SPRED2: variants seen among roughly 807,000 people sequenced by gnomAD.
SPRED2 encodes the protein sprouty related EVH1 domain containing 2, also known as sprouty-related, EVH1 domain-containing protein 2.
SPRED2 carries 47 observed loss-of-function variants against 43.0 expected under a neutral mutation model. The ratio of observed to expected loss-of-function variants is 1.09; its 90% confidence interval spans 0.87 to 1.40. The LOEUF (loss-of-function observed/expected upper bound fraction) is 1.40. Among genes scored for constraint, SPRED2 ranks in the 40% most tolerant of loss-of-function variants. SPRED2 has a pLI of 0.00. For missense variants in SPRED2, 561 were observed against 586.4 expected (o/e 0.96, Z 0.45); for synonymous variants, 225 against 225.7 (o/e 1.00, Z 0.03).
chr2:65,418,127 G>A (rs1177179816), intron 1 of SPRED2, among the ~76,000 whole-genome samples: 2 of 152,158 alleles, frequency 1.3e-5, no homozygotes, highest in Non-Finnish European at 2.9e-5. Flanking sequence ...ATTATTAGTG[G>A]TCTCCCTGAC....
chr2:65,340,761 T>C (rs1371545725), intron 2 of SPRED2, among the ~76,000 whole-genome samples: 1 of 152,232 alleles, frequency 6.6e-6, no homozygotes, highest in Non-Finnish European at 1.5e-5. Context: ...GAATTCTAGA[T>C]GTGCACTACA....
intron 1 of SPRED2, among the ~76,000 whole-genome samples, chr2:65,349,451 G>C (rs903520892): frequency 6.6e-6 from 1 of 151,736 alleles, no homozygotes; most frequent in Non-Finnish European, 1.5e-5. Flanking sequence ...AGGGTCCTAC[G>C]ACTTTTAATT....
Position 65,338,177 on chromosome 2 carries a change from G to C in SPRED2, c.205-3404C>G, listed in dbSNP as rs1365418707. ...CTCCCGTCTCCCTCTCCCGTCTCCC[G>C]TCTCCCTCTCCCTCTCCCGTCTCCC... On this transcript the variant is annotated intron_variant, in intron 2 of 5. Transcript: ENST00000356388. Among the ~76,000 whole-genome samples the C allele has an allele frequency of 8.7e-4, 79 of 90,288 alleles. 1 individual carries two copies. The highest frequency in any genetic ancestry group is 2.4e-3 in the Admixed American group (24 of 9,904). 59.2% of individuals were successfully genotyped at this position (90,288 alleles called of 152,430 possible). A position where few individuals can be genotyped will look rare whatever the true frequency, so the allele number is the denominator to read the frequency against.
intron 1 of SPRED2, chr2:65,366,529 G>T: frequency 6.6e-7 from 1 of 1,513,528 alleles, no homozygotes; most frequent in Non-Finnish European, 8.9e-7. Flanking sequence ...GCAGGCACCA[G>T]AAAGGTTAAG....
chr2:65,407,597 C>T (rs189787668), intron 1 of SPRED2, among the ~76,000 whole-genome samples: 1 of 152,324 alleles, frequency 6.6e-6, no homozygotes, highest in Admixed American at 6.5e-5. Context: ...GACTGTCATG[C>T]ACATCCCTGT....
chr2:65,350,723 A>G (rs1227426012), intron 1 of SPRED2, among the ~76,000 whole-genome samples: 1 of 152,236 alleles, frequency 6.6e-6, no homozygotes, highest in Non-Finnish European at 1.5e-5. Context: ...CTGGATTAGC[A>G]TCTCCACAGG....
chr2:65,338,954 C>G (rs555598468), intron 2 of SPRED2, among the ~76,000 whole-genome samples: 1 of 152,120 alleles, frequency 6.6e-6, no homozygotes, highest in East Asian at 1.9e-4. Flanking sequence ...CCCGCCGCCC[C>G]GTCCGGGAGG....
chr2:65,405,508 T>A (rs1676001630), intron 1 of SPRED2, among the ~76,000 whole-genome samples: 1 of 152,210 alleles, frequency 6.6e-6, no homozygotes, highest in Admixed American at 6.5e-5. Context: ...ACACACTCAT[T>A]ACAAATGCAA....
At chr2:65,327,431 C>T (rs1673657853) in intron 4 of SPRED2, among the ~76,000 whole-genome samples, 1 of 152,122 alleles carries the variant, frequency 6.6e-6, no homozygotes, top group African/African-American at 2.4e-5. Context: ...TGAGAGCATT[C>T]CAAAGCTTTT....
intron 1 of SPRED2, among the ~76,000 whole-genome samples, chr2:65,370,319 T>G (rs1165919883): frequency 9.6e-6 from 1 of 104,424 alleles, no homozygotes; most frequent in Non-Finnish European, 2.0e-5. Context: ...CATCAATTTA[T>G]GTGAACAACG....
At chr2:65,375,145 C>G (rs768725362) in intron 1 of SPRED2, among the ~76,000 whole-genome samples, 10 of 152,210 alleles carry the variant, frequency 6.6e-5, no homozygotes, top group Non-Finnish European at 1.3e-4. Context: ...ACTTGGGGGC[C>G]CCTGCCCACG....
At chr2:65,360,280 AG>A (rs1674776118) in intron 1 of SPRED2, among the ~76,000 whole-genome samples, 1 of 152,120 alleles carries the variant, frequency 6.6e-6, no homozygotes, top group East Asian at 1.9e-4. Context: ...GCCACTTCTC[AG>A]GACTAACTTC....
At chr2:65,394,735 T>G (rs1462359929) in intron 1 of SPRED2, among the ~76,000 whole-genome samples, 3 of 152,108 alleles carry the variant, frequency 2.0e-5, no homozygotes, top group Non-Finnish European at 4.4e-5. Flanking sequence ...CTATTTCTAT[T>G]TCCCGGGACA....
chr2:65,338,266 GTCTCCC>G (rs1166588802), intron 2 of SPRED2, among the ~76,000 whole-genome samples: 309 of 26,534 alleles, frequency 0.012, 50 homozygotes, highest in African/African-American at 0.042. Flanking sequence ...TCCCTCTCCC[GTCTCCC>G]TCTCCCTCTC....
chr2:65,347,220 A>T (rs1180487678), intron 1 of SPRED2, among the ~76,000 whole-genome samples: 1 of 149,360 alleles, frequency 6.7e-6, no homozygotes, highest in East Asian at 2.0e-4. Context: ...CTGATTCTCT[A>T]CTCCTCCCCT....
intron 1 of SPRED2, among the ~76,000 whole-genome samples, chr2:65,370,536 C>T (rs534139560): frequency 6.6e-6 from 1 of 152,278 alleles, no homozygotes; most frequent in South Asian, 2.1e-4. Flanking sequence ...CGTTGACCCC[C>T]AGTGATCAAC....
Position 65,313,318 on chromosome 2 carries a change from G to A in SPRED2, c.*183C>T. On this transcript the variant is annotated 3_prime_UTR_variant, in exon 6 of 6. Transcript: ENST00000356388. ...TGGCTGCTGCAGTGTGGGCGGCAGGGGGAGTGGAGAGTCTACCCGGCAGCG... is the reference window on the plus strand; with the variant it reads ...TGGCTGCTGCAGTGTGGGCGGCAGGAGGAGTGGAGAGTCTACCCGGCAGCG... The A allele has an allele frequency of 3.5e-6, 5 of 1,444,108 alleles. No individual in the cohort carries two copies. The highest frequency in any genetic ancestry group is 3.6e-6 in the Non-Finnish European group (4 of 1,106,270). 89.5% of individuals were successfully genotyped at this position (1,444,108 alleles called of 1,614,324 possible). A position where few individuals can be genotyped will look rare whatever the true frequency, so the allele number is the denominator to read the frequency against.
intron 1 of SPRED2, among the ~76,000 whole-genome samples, chr2:65,425,646 T>C (rs1676539244): frequency 1.3e-5 from 2 of 152,192 alleles, no homozygotes; most frequent in Admixed American, 1.3e-4. Flanking sequence ...AGGGAAAGCA[T>C]ATAAAAAATA....
At chr2:65,344,969 A>G in intron 1 of SPRED2, 73 bp from the exon 2 acceptor site, 1 of 1,440,288 alleles carries the variant, frequency 6.9e-7, no homozygotes, top group Non-Finnish European at 9.4e-7. Context: ...TCAAAATGCA[A>G]GATGACCACC....
Sources: allele counts gnomAD v4.1 joint callset (sites outside exome capture counted in the v4.1 genomes callset), GRCh38; gene constraint gnomAD v4.1.1; transcripts MANE v1.5; gene names NCBI Gene and HGNC (gene_info 2026-07-23, HGNC 2026-07-21).